DBN1: variants seen among roughly 807,000 people sequenced by gnomAD.
DBN1 encodes the protein drebrin 1.
Under a neutral mutation model 83.5 loss-of-function variants are expected in DBN1, and 21 were observed. The observed-to-expected ratio is 0.25, with a 90% CI of 0.18 to 0.36. The LOEUF is 0.36. DBN1 is among the 10% of genes least tolerant of loss of function. DBN1 has a pLI of 1.00. For missense variants in DBN1, 874 were observed against 935.7 expected, an observed-to-expected ratio of 0.93 and a Z score of 0.86; for synonymous variants, 381 against 384.9, an observed-to-expected ratio of 0.99 and a Z score of 0.12.
At chr5:177,464,633 A>ATAAG (rs1757287981) in intron 8 of DBN1, among the ~76,000 whole-genome samples, 1 of 146,334 alleles carries the variant, frequency 6.8e-6, no homozygotes, top group East Asian at 2.0e-4. Context: ...AAATAAATAA[A>ATAAG]TAAATAAATA....
At chr5:177,464,452 A>AT (rs1171251066) in intron 8 of DBN1, among the ~76,000 whole-genome samples, 3 of 147,538 alleles carry the variant, frequency 2.0e-5, no homozygotes, top group African/African-American at 7.9e-5. Flanking sequence ...TCTCAAAAAA[A>AT]TAAAAATAAA....
Position 177,467,887 on chromosome 5 carries a change from C to T in DBN1, c.256-70G>A. On this transcript the variant is annotated intron_variant, in intron 3 of 14. Transcript: ENST00000393565. This position sits in a 1 kb window ranked among gnomAD's most constrained non-coding sequence, Gnocchi z 9.1. ...GGCCCTACACGATAGGGTGCATCTT[C>T]CCCGGGGTGGGAAGAGGGTGGGCTT... 1.9e-6 allele frequency: 3 copies of T among 1,565,448 alleles called. No individual in the cohort carries two copies. Among genetic ancestry groups the T allele is most frequent in the South Asian group, 1.1e-5 (1 of 88,292 alleles).
At chr5:177,469,145 G>A (rs1757673197) in intron 1 of DBN1, among the ~76,000 whole-genome samples, 1 of 152,164 alleles carries the variant, frequency 6.6e-6, no homozygotes, top group South Asian at 2.1e-4. Flanking sequence ...CGAGCTCAGT[G>A]CGCAGCATCC....
At chr5:177,468,334 T>C (rs1295881410) in intron 2 of DBN1, 114 bp from the exon 3 acceptor site, 1 of 850,550 alleles carries the variant, frequency 1.2e-6, no homozygotes, top group Non-Finnish European at 1.9e-6. Context: ...CCAGGGGTCT[T>C]CTGGCCTCTG....
In DBN1 at chr5:177,466,676, G is replaced by T; in HGVS notation, c.771+96C>A. The T allele has an allele frequency of 7.1e-7, 1 of 1,413,178 alleles. No individual in the cohort carries two copies. Among genetic ancestry groups the T allele is most frequent in the Non-Finnish European group, 1.0e-6 (1 of 997,646 alleles). 87.5% of individuals were successfully genotyped at this position (1,413,178 alleles called of 1,614,324 possible). A position where few individuals can be genotyped will look rare whatever the true frequency, so the allele number is the denominator to read the frequency against. On this transcript the variant is annotated intron_variant, in intron 8 of 14. Transcript: ENST00000393565. This position sits in a 1 kb window ranked among gnomAD's most constrained non-coding sequence, Gnocchi z 4.8. The stretch of plus-strand genomic sequence containing the variant: ...GCAGCTCCCCAGAACAGCCACCACT[G>T]TCCCTGAGCCACTGATCTCCCCACA...
In DBN1 at chr5:177,458,627, C is replaced by T. The variant is rs372184100; in HGVS notation, c.1345G>A (p.Glu449Lys). The T allele has an allele frequency of 1.2e-6, 2 of 1,607,700 alleles. No homozygotes were observed. Among genetic ancestry groups the T allele is most frequent in the Non-Finnish European group, 1.7e-6 (2 of 1,176,734 alleles). Residue 449 changes from glutamate to lysine, a missense_variant, in exon 13 of 15, where the codon GAG becomes AAG. Physicochemically the swap from Glu to Lys is moderately conservative, Grantham distance 56 (BLOSUM62 1). Coordinates refer to ENST00000393565, the MANE Select transcript of DBN1 (RefSeq NM_001363541.2). ...GGAGGCGCCTGTGCCTGAGGGGGCT[C>T]CTCCATGGGGCCGGCCCAGGCCTGA... ...APQAWAGPME[E>K]PPQAQAPPRG...
At chr5:177,472,085 T>C (rs761525822) in intron 1 of DBN1, 1 of 1,589,732 alleles carries the variant, frequency 6.3e-7, no homozygotes, top group Admixed American at 1.8e-5. Context: ...GCCGCCTGCC[T>C]GCTGAGCCTG....
Position 177,473,516 on chromosome 5 carries a change from G to T in DBN1, c.6C>A (p.Ala2=). 1 of 1,426,864 alleles carries T rather than the reference G, an allele frequency of 7.0e-7. No individual in the cohort carries two copies. 88.4% of individuals were successfully genotyped at this position (1,426,864 alleles called of 1,614,324 possible). M[A]GVSFSGHRLE... ...GGCGGTGGCCGCTGAAGCTGACGCC[G>T]GCCATGCTTCGGGCCGGACCGGGCC... The change falls in exon 1 of 15, where the codon GCC becomes GCA. Residue 2 remains alanine, a synonymous_variant. Transcript: ENST00000393565.
At chr5:177,461,167 C>T (rs1459985947) in intron 8 of DBN1, among the ~76,000 whole-genome samples, 1 of 135,342 alleles carries the variant, frequency 7.4e-6, no homozygotes, top group Non-Finnish European at 1.5e-5. Flanking sequence ...GGCGGGATCT[C>T]GGCTCACTGC....
intron 8 of DBN1, chr5:177,462,250 A>G: frequency 1.0e-6 from 1 of 985,404 alleles, no homozygotes; most frequent in Non-Finnish European, 1.2e-6. Context: ...GTAGACATCA[A>G]GTCCTCAGCA....
intron 8 of DBN1, chr5:177,462,102 T>A: frequency 2.1e-6 from 1 of 465,564 alleles, no homozygotes; most frequent in Non-Finnish European, 2.8e-6. Context: ...TGGCTTCACC[T>A]GCCCACTGCA....
chr5:177,457,541 C>T (rs1335090633), intron 14 of DBN1, 38 bp from the exon 15 acceptor site: 2 of 1,596,506 alleles, frequency 1.3e-6, no homozygotes, highest in Non-Finnish European at 8.6e-7. Flanking sequence ...AGGGACCTAG[C>T]AGACCGCTTG....
chr5:177,457,191 C>G lies in DBN1; in HGVS notation c.*242G>C. 1 of 551,716 alleles carries G rather than the reference C, an allele frequency of 1.8e-6. No individual in the cohort carries two copies. The highest frequency in any genetic ancestry group is 3.2e-6 in the Non-Finnish European group (1 of 308,458). 34.2% of individuals were successfully genotyped at this position (551,716 alleles called of 1,614,324 possible). A position where few individuals can be genotyped will look rare whatever the true frequency, so the allele number is the denominator to read the frequency against. On this transcript the variant is annotated 3_prime_UTR_variant, in exon 15 of 15. Transcript: ENST00000393565. ...AGGGGTGGAATTTGCAACAGCGTCT[C>G]AACTACCAACGAGAGGAAAGCCAGT... is the stretch of plus-strand genomic sequence containing the variant.
intron 13 of DBN1, 112 bp from the exon 14 acceptor site, chr5:177,457,869 G>C (rs762827992): frequency 3.6e-6 from 3 of 825,086 alleles, no homozygotes; most frequent in South Asian, 2.8e-5. Context: ...GGTTGCCAGG[G>C]AAACAAGGAT....
At position 177,466,183 on chromosome 5, in the gene DBN1, G is replaced by A. The variant is rs1052336660; in HGVS notation, c.771+589C>T. 1.3e-5 allele frequency among the ~76,000 whole-genome samples: 2 copies of A among 152,166 alleles called. No individual in the cohort carries two copies. Among genetic ancestry groups the A allele is most frequent in the Non-Finnish European group, 2.9e-5 (2 of 68,046 alleles). On this transcript the variant is annotated intron_variant, in intron 8 of 14. Coordinates refer to ENST00000393565, the MANE Select transcript of DBN1 (RefSeq NM_001363541.2). This position sits in a 1 kb window ranked among gnomAD's most constrained non-coding sequence, Gnocchi z 4.8. The stretch of plus-strand genomic sequence containing the variant: ...ATCAACCCACCTCCCTTCCTGAACT[G>A]AGCCATGCTCAGTCCTGAATGACAT...
At chr5:177,472,052 G>A in intron 1 of DBN1, 2 of 1,530,048 alleles carry the variant, frequency 1.3e-6, no homozygotes, top group South Asian at 2.5e-5. Context: ...GCCCCCCTGG[G>A]GCAGGGCTGG....
In DBN1 at chr5:177,458,388, G is replaced by A. The variant is rs370979617; in HGVS notation, c.1584C>T (p.Asn528=). Residue 528 remains asparagine (N), a synonymous_variant, in exon 13 of 15, where the codon AAC becomes AAT. Transcript: ENST00000393565. ...CCTGGAGTGTGGAGGCCCCTTCCCCGTTGCCAGGCCATAGGTCAATGAGGC... is the reference window on the plus strand; with the variant it reads ...CCTGGAGTGTGGAGGCCCCTTCCCCATTGCCAGGCCATAGGTCAATGAGGC... The part of the protein sequence containing the change: ...ATSLIDLWPG[N]GEGASTLQGE... The A allele has an allele frequency of 3.2e-5, 51 of 1,613,906 alleles. No homozygotes were observed. The Admixed American group carries it at 5.7e-4, about 18-fold the overall frequency.
intron 1 of DBN1, chr5:177,472,066 A>G (rs1299934519): frequency 2.5e-6 from 4 of 1,577,924 alleles, no homozygotes; most frequent in Admixed American, 1.9e-5. Context: ...GGGCTGGGAC[A>G]ATGGGTGGGC....
chr5:177,460,315 G>A, intron 10 of DBN1, 117 bp downstream of exon 10: 2 of 1,461,844 alleles, frequency 1.4e-6, no homozygotes, highest in Non-Finnish European at 1.9e-6. Context: ...CTGGATGAAG[G>A]GTCTCGCCTT....
Sources: gnomAD v4.1 joint callset for allele counts (sites outside exome capture counted in the v4.1 genomes callset) on GRCh38, gnomAD v4.1.1 for gene constraint, Gnocchi (gnomAD v3.1) non-coding constraint, MANE v1.5 for transcripts, NCBI Gene and HGNC (gene_info 2026-07-23, HGNC 2026-07-21) for gene names.